Variants in BPHL observed in about 807,000 individuals in gnomAD.
The protein encoded by BPHL is biphenyl hydrolase like.
BPHL carries 27 observed loss-of-function variants against 31.2 expected under a neutral mutation model. The ratio of observed to expected loss-of-function variants is 0.87; its 90% CI spans 0.64 to 1.19. The LOEUF (loss-of-function observed/expected upper bound fraction) is 1.19. Ranked by LOEUF, BPHL falls within the 50% of genes most tolerant of loss-of-function variation. BPHL has a pLI of 0.00. For synonymous variants in BPHL, 150 were observed against 146.8 expected, an observed-to-expected ratio of 1.02 and a Z score of -0.16; for missense variants, 356 against 375.7, an observed-to-expected ratio of 0.95 and a Z score of 0.43.
chr6:3,128,940 A>G, intron 3 of BPHL, 105 bp from the exon 4 acceptor site: 1 of 1,524,522 alleles, frequency 6.6e-7, no homozygotes, highest in Non-Finnish European at 9.1e-7. Context: ...TGACTAATTG[A>G]TACTCCAGCC....
intron 2 of BPHL, chr6:3,127,001 G>T (rs1254589895): frequency 3.1e-6 from 1 of 318,550 alleles, no homozygotes; most frequent in Non-Finnish European, 5.6e-6. Flanking sequence ...GAACTCCTGA[G>T]CTCAGGCAGT....
chr6:3,119,766 CTGTACT>C (rs1356228059), intron 1 of BPHL, among the ~76,000 whole-genome samples: 2 of 152,200 alleles, frequency 1.3e-5, no homozygotes, highest in Non-Finnish European at 2.9e-5. Flanking sequence ...GCGTTTAGAA[CTGTACT>C]TGATCCAACA....
rs749080142 is a variant in BPHL at position 3,129,172 on chromosome 6, C to G, written c.506C>G (p.Thr169Ser). 2 of 1,601,954 alleles carry G rather than the reference C, an allele frequency of 1.2e-6. No homozygotes were observed. Among genetic ancestry groups the G allele is most frequent in the Admixed American group, 3.4e-5 (2 of 58,374 alleles). The change falls in exon 4 of 7, where the codon ACT (threonine) becomes AGT (serine). Residue 169 changes from threonine (T) to serine (S), a missense_variant. Physicochemically the swap from Thr to Ser is moderately conservative, Grantham distance 58. Coordinates refer to ENST00000380379, the MANE Select transcript of BPHL (RefSeq NM_004332.4). The part of the protein sequence containing the change: ...MVIWGANAYV[T>S]DEDSMIYEGI... Reference sequence around the variant, plus strand: ...ATCTGGGGCGCCAACGCCTACGTCACTGACGAAGACAGCATGATATATGAG... The same window carrying G: ...ATCTGGGGCGCCAACGCCTACGTCAGTGACGAAGACAGCATGATATATGAG...
chr6:3,127,837 T>G (rs1404527006), intron 3 of BPHL, among the ~76,000 whole-genome samples: 2 of 152,178 alleles, frequency 1.3e-5, no homozygotes, highest in Non-Finnish European at 2.9e-5. Flanking sequence ...TTTTTTTTTT[T>G]TGAGACAGAG....
intron 4 of BPHL, among the ~76,000 whole-genome samples, chr6:3,132,857 A>C (rs551673929): frequency 2.6e-5 from 4 of 152,252 alleles, no homozygotes; most frequent in African/African-American, 9.6e-5. Flanking sequence ...AACAACCAAA[A>C]GAAAAAAACA....
intron 4 of BPHL, among the ~76,000 whole-genome samples, chr6:3,130,385 C>G (rs181416159): frequency 1.3e-5 from 2 of 152,258 alleles, no homozygotes; most frequent in Non-Finnish European, 2.9e-5. Flanking sequence ...GCAAGCTGCC[C>G]CATTGAGATG....
intron 6 of BPHL, among the ~76,000 whole-genome samples, chr6:3,142,988 G>T (rs752387505): frequency 6.6e-6 from 1 of 152,164 alleles, no homozygotes; most frequent in Non-Finnish European, 1.5e-5. Flanking sequence ...GGAGGCCGAG[G>T]TGGGCAGATC....
intron 2 of BPHL, chr6:3,127,018 G>C (rs1190497142): frequency 7.2e-6 from 2 of 278,162 alleles, no homozygotes; most frequent in Non-Finnish European, 1.3e-5. Flanking sequence ...CAGTCCGCCC[G>C]CCTCGGCCTC....
Position 3,148,904 on chromosome 6 carries a change from G to A in BPHL, c.789-3584G>A, listed in dbSNP as rs76473923. On this transcript the variant is annotated intron_variant, in intron 6 of 6. Transcript: ENST00000380379. ...GTTAGCCAACAAATGTAGATTAATT[G>A]TGCTCCCCTGAGTCAGTCATTGTTT... Among the ~76,000 whole-genome samples the A allele has an allele frequency of 3.6e-3, 546 of 152,276 alleles. 3 individuals carry two copies. Among genetic ancestry groups the A allele is most frequent in the African/African-American group, 0.012 (512 of 41,546 alleles).
chr6:3,152,579 T>C lies in BPHL; in HGVS notation c.*4T>C. On this transcript the variant is annotated 3_prime_UTR_variant, in exon 7 of 7. Transcript: ENST00000380379. ...AGCAGAAGACTTCCTACAATGAGAA[T>C]GCACACTCCAGTCTTGGTGGTTCCT... is the stretch of plus-strand genomic sequence containing the variant. 1 of 1,612,614 alleles carries C rather than the reference T, an allele frequency of 6.2e-7. No individual in the cohort carries two copies. The highest frequency in any genetic ancestry group is 8.5e-7 in the Non-Finnish European group (1 of 1,179,116).
At chr6:3,137,582 G>C in intron 5 of BPHL, 89 bp downstream of exon 5, 1 of 1,551,434 alleles carries the variant, frequency 6.4e-7, no homozygotes, top group Non-Finnish European at 8.8e-7. Flanking sequence ...AGTGATTCAT[G>C]AATCTGCCCA....
intron 6 of BPHL, among the ~76,000 whole-genome samples, chr6:3,146,761 AGAGTGCTGGTTTGGGTC>A (rs1762393073): frequency 8.6e-6 from 1 of 116,942 alleles, no homozygotes; most frequent in Non-Finnish European, 1.8e-5. Flanking sequence ...GGTTTGGGTC[AGAGTGCTGGTTTGGGTC>A]GAGTGCTGGT....
chr6:3,145,770 A>G (rs71552165), intron 6 of BPHL, among the ~76,000 whole-genome samples: 20 of 29,046 alleles, frequency 6.9e-4, no homozygotes, highest in African/African-American at 2.8e-3. Flanking sequence ...GTGCTGGTTC[A>G]GGTTGGAGTG....
chr6:3,123,756 G>A lies in BPHL; in HGVS notation c.207G>A (p.Met69Ile), dbSNP rs1426886333. Residue 69 changes from methionine (M) to isoleucine (I), a missense_variant, in exon 2 of 7, where the codon ATG becomes ATA. Coordinates refer to ENST00000380379, the MANE Select transcript of BPHL (RefSeq NM_004332.4). The part of the protein sequence containing the change: ...GDHAVLLLPG[M>I]LGSGETDFGP... ...ACGCAGTCCTGCTACTTCCTGGGATGTTAGGTCTGGGTACTTTTTAATGGA... is the reference window on the plus strand; with the variant it reads ...ACGCAGTCCTGCTACTTCCTGGGATATTAGGTCTGGGTACTTTTTAATGGA... 1.3e-5 allele frequency: 21 copies of A among 1,611,162 alleles called. 1 individual carries two copies. In the South Asian group the frequency reaches 1.9e-4, roughly 14 times the overall value.
chr6:3,129,018 G>A, intron 3 of BPHL, 27 bp from the exon 4 acceptor site: 1 of 1,614,218 alleles, frequency 6.2e-7, no homozygotes, highest in Non-Finnish European at 8.5e-7. Flanking sequence ...AATAACCCGT[G>A]CCGTGCATTT....
intron 5 of BPHL, chr6:3,138,891 A>G (rs1762087381): frequency 6.6e-6 from 1 of 152,270 alleles, no homozygotes; most frequent in African/African-American, 2.4e-5. Context: ...AGGCTGTAGC[A>G]GTGTATAAAC....
In BPHL at chr6:3,140,223, G is replaced by A. The variant is rs1030799742; in HGVS notation, c.665-163G>A. 1.1e-4 allele frequency: 91 copies of A among 826,832 alleles called. No individual in the cohort carries two copies. Among genetic ancestry groups the A allele is most frequent in the Non-Finnish European group, 2.2e-5 (12 of 549,500 alleles). The allele number at this position is 826,832 out of a possible 1,614,324, so 51.2% of individuals were successfully genotyped here. Reference sequence around the variant, plus strand: ...AAACAGAAAAGGGAACCCAAAGAATGTTAGAGCTGGAAGGAATCCCAGGCA... The same window carrying A: ...AAACAGAAAAGGGAACCCAAAGAATATTAGAGCTGGAAGGAATCCCAGGCA... On this transcript the variant is annotated intron_variant, in intron 5 of 6. Transcript: ENST00000380379. This position sits in a 1 kb window ranked among gnomAD's most constrained non-coding sequence, Gnocchi z 5.2.
chr6:3,124,791 T>C (rs1402502458), intron 2 of BPHL, among the ~76,000 whole-genome samples: 1 of 152,174 alleles, frequency 6.6e-6, no homozygotes, highest in Admixed American at 6.5e-5. Context: ...ACTGTACTTA[T>C]TTCTTTGTGA....
Position 3,151,350 on chromosome 6 carries a change from T to C in BPHL, c.789-1138T>C, listed in dbSNP as rs546254600. ...TTTTCTGAATAGTGTTAAAGTTGAA[T>C]TTAGAATGTCGTGATTGTTAGTAAT... On this transcript the variant is annotated intron_variant, in intron 6 of 6. Transcript: ENST00000380379. Among the ~76,000 whole-genome samples, 38 of 152,314 alleles carry C rather than the reference T, an allele frequency of 2.5e-4. No individual in the cohort carries two copies. In the South Asian group the frequency reaches 2.9e-3, roughly 12 times the overall value.
Sources: allele counts gnomAD v4.1 joint callset (sites outside exome capture counted in the v4.1 genomes callset), GRCh38; gene constraint gnomAD v4.1.1; non-coding constraint Gnocchi (gnomAD v3.1); transcripts MANE v1.5; gene names NCBI Gene and HGNC (gene_info 2026-07-23, HGNC 2026-07-21).